The following PYROXD2 variants were observed in gnomAD, a reference collection of about 807,000 sequenced individuals.
PYROXD2 encodes pyridine nucleotide-disulfide oxidoreductase domain-containing protein 2.
Under a neutral mutation model 71.1 loss-of-function variants are expected in PYROXD2, and 69 were observed. That is an observed-to-expected ratio of 0.97 (90% confidence interval 0.80 to 1.19). The LOEUF (loss-of-function observed/expected upper bound fraction) is 1.19, where lower values mean the gene tolerates loss of function less well. Ranked by LOEUF, PYROXD2 falls within the 50% of genes most tolerant of loss-of-function variation. The pLI is 0.00. For missense variants in PYROXD2, 745 were observed against 748.9 expected (o/e 0.99, Z 0.06); for synonymous variants, 287 against 302.7 (o/e 0.95, Z 0.54).
rs185130549 is a variant in PYROXD2 at position 98,386,338 on chromosome 10, G to A, written c.1554+863C>T. On this transcript the variant is annotated intron_variant, in intron 14 of 15. Coordinates refer to ENST00000370575, the MANE Select transcript of PYROXD2 (RefSeq NM_032709.3). ...ACAAGGAAGGGAGGGAGGAAGGAAG[G>A]AAGGAAGGAAGGAAGGAAGGAAGGA... is the stretch of plus-strand genomic sequence containing the variant. Among the ~76,000 whole-genome samples, 635 of 150,976 alleles carry A rather than the reference G, an allele frequency of 4.2e-3. 4 individuals carry two copies. Among genetic ancestry groups the A allele is most frequent in the Non-Finnish European group, 6.7e-3 (452 of 67,686 alleles).
chr10:98,392,614 C>A, intron 9 of PYROXD2, 48 bp from the exon 10 acceptor site: 1 of 1,600,702 alleles, frequency 6.2e-7, no homozygotes, highest in South Asian at 1.1e-5. Flanking sequence ...AAGGGAAATC[C>A]ATGTTAGATC....
chr10:98,411,111 C>T, intron 1 of PYROXD2, 153 bp from the exon 2 acceptor site: 1 of 1,053,048 alleles, frequency 9.5e-7, no homozygotes, highest in Non-Finnish European at 1.4e-6. Flanking sequence ...GATGTTGGAA[C>T]AGCATCTAGT....
chr10:98,397,452 A>G lies in PYROXD2; in HGVS notation c.518T>C (p.Ile173Thr). 1 of 1,613,242 alleles carries G rather than the reference A, an allele frequency of 6.2e-7. No individual in the cohort carries two copies. The highest frequency in any genetic ancestry group is 8.5e-7 in the Non-Finnish European group (1 of 1,179,458). Residue 173 changes from isoleucine (I) to threonine (T), a missense_variant, in exon 6 of 16, where the codon ATT (isoleucine) becomes ACT (threonine). Physicochemically the swap from Ile to Thr is moderately conservative, Grantham distance 89. Coordinates refer to ENST00000370575, the MANE Select transcript of PYROXD2 (RefSeq NM_032709.3). ...GGGGGCCGCATCCAGCAGAGGGTCA[A>G]TGGCTAATGCCAAGCGATGCATGAA... ...EEFMHRLALA[I>T]DPLLDAAPVD...
At chr10:98,410,902 G>A (rs1214195880) in intron 2 of PYROXD2, 37 bp downstream of exon 2, 1 of 1,558,810 alleles carries the variant, frequency 6.4e-7, no homozygotes, top group South Asian at 1.2e-5. Flanking sequence ...CACACGCCCA[G>A]GGCCAGTGAA....
intron 12 of PYROXD2, among the ~76,000 whole-genome samples, chr10:98,388,853 G>A (rs915005349): frequency 1.8e-4 from 27 of 152,036 alleles, no homozygotes; most frequent in Admixed American, 9.2e-4. Flanking sequence ...GACAGCAGGC[G>A]CCCAAGCAGC....
At chr10:98,405,924 A>G (rs1010280006) in intron 4 of PYROXD2, among the ~76,000 whole-genome samples, 2 of 152,242 alleles carry the variant, frequency 1.3e-5, no homozygotes, top group Non-Finnish European at 2.9e-5. Context: ...ACTTACAGGT[A>G]AGGATCAATT....
rs937674696 is a variant in PYROXD2, at chr10:98,388,436, G to A, written c.1365C>T (p.Ser455=). 6.2e-7 allele frequency: 1 copy of A among 1,613,444 alleles called. No homozygotes were observed. The highest frequency in any genetic ancestry group is 8.5e-7 in the Non-Finnish European group (1 of 1,179,892). ...TATAGGGCATGTACTGAGTGAAGAG[G>A]GAGACTACATGGCAGCCAGGGGGAG... ...TLAPPGCHVV[S]LFTQYMPYTL... The change falls in exon 13 of 16, where the codon TCC becomes TCT. Residue 455 remains serine, a synonymous_variant. Transcript: ENST00000370575.
chr10:98,414,043 TATGTACGTAACACATATACATATATATAC>T (rs1471526151), intron 1 of PYROXD2: 1 of 151,990 alleles, frequency 6.6e-6, no homozygotes, highest in East Asian at 1.9e-4. Context: ...TGTGTATATA[TATGTACGTAACACATATACATATATATAC>T]ACATATATGT....
intron 9 of PYROXD2, 132 bp downstream of exon 9, chr10:98,392,810 C>A: frequency 8.4e-7 from 1 of 1,185,580 alleles, no homozygotes. Context: ...TGACCTTAAT[C>A]TCTTGATTCT....
At chr10:98,386,219 T>C (rs566791722) in intron 14 of PYROXD2, among the ~76,000 whole-genome samples, 1 of 149,932 alleles carries the variant, frequency 6.7e-6, no homozygotes, top group East Asian at 2.0e-4. Flanking sequence ...AGGTCGAGGC[T>C]GCAGTGAGCC....
chr10:98,387,637 T>C (rs1353883060), intron 13 of PYROXD2, among the ~76,000 whole-genome samples: 1 of 146,610 alleles, frequency 6.8e-6, no homozygotes, highest in African/African-American at 2.5e-5. Flanking sequence ...TTTTTTTTTT[T>C]TTTTTTTTTT....
In PYROXD2 at chr10:98,397,417, C is replaced by A; in HGVS notation, c.553G>T (p.Ala185Ser). The change falls in exon 6 of 16, where the codon GCG becomes TCG. Residue 185 changes from alanine to serine, a missense_variant. Ala to Ser is a moderately conservative substitution (Grantham distance 99). Transcript: ENST00000370575. ...PLLDAAPVDMAAFQHGSLLQR... is the reference protein window; with the variant it reads ...PLLDAAPVDMSAFQHGSLLQR... The stretch of plus-strand genomic sequence containing the variant: ...AGCAAGGAGCCATGCTGGAAGGCCG[C>A]CATGTCCACGGGGGCCGCATCCAGC... The A allele has an allele frequency of 1.2e-6, 2 of 1,613,500 alleles. No individual in the cohort carries two copies. The highest frequency in any genetic ancestry group is 2.2e-5 in the South Asian group (2 of 90,970).
At chr10:98,395,140 A>G in intron 8 of PYROXD2, 56 bp downstream of exon 8, 1 of 1,459,776 alleles carries the variant, frequency 6.9e-7, no homozygotes, top group East Asian at 2.3e-5. Context: ...TGTTGTCCTC[A>G]CTCCTGTTGG....
chr10:98,397,408 G>A lies in PYROXD2; in HGVS notation c.562C>T (p.Gln188Ter). Residue 188 changes from glutamine to a stop codon, truncating the protein, a stop_gained, in exon 6 of 16, where the codon CAG becomes TAG. Transcript: ENST00000370575. LOFTEE classifies it high-confidence loss of function. ...ATCCTTTGCAGCAAGGAGCCATGCT[G>A]GAAGGCCGCCATGTCCACGGGGGCC... ...DAAPVDMAAF[Q>*]HGSLLQRMRS... 1 of 1,613,390 alleles carries A rather than the reference G, an allele frequency of 6.2e-7. No individual in the cohort carries two copies. The highest frequency in any genetic ancestry group is 1.3e-5 in the African/African-American group (1 of 75,054).
rs1590980153 is a variant in PYROXD2, at chr10:98,410,763, G to A, written c.147+176C>T. ...CCTGTGATGTCCACAGCTGGCTGCA[G>A]ATGAGCATTCGACCCAGCCCCCAGT... On this transcript the variant is annotated intron_variant, in intron 2 of 15. Transcript: ENST00000370575. The A allele has an allele frequency of 4.6e-6, 4 of 878,946 alleles. No individual in the cohort carries two copies. The South Asian group carries it at 7.2e-5, about 16-fold the overall frequency. The allele number at this position is 878,946 out of a possible 1,614,324, so 54.4% of individuals were successfully genotyped here.
chr10:98,384,166 G>T (rs1842676997), intron 15 of PYROXD2, among the ~76,000 whole-genome samples: 1 of 151,986 alleles, frequency 6.6e-6, no homozygotes, highest in South Asian at 2.1e-4. Context: ...CAGAATAAGG[G>T]GCTGGGGGGA....
chr10:98,386,605 G>A (rs899651520), intron 14 of PYROXD2, among the ~76,000 whole-genome samples: 8 of 150,800 alleles, frequency 5.3e-5, no homozygotes, highest in African/African-American at 2.0e-4. Context: ...AGGCTGAAGT[G>A]TAATGACGCA....
Position 98,401,273 on chromosome 10 carries a change from A to AAAAAAAAAAAC in PYROXD2, c.316-1017_316-1016insGTTTTTTTTTT, listed in dbSNP as rs149519972. On this transcript the variant is annotated intron_variant, in intron 4 of 15. Transcript: ENST00000370575. ...TGTCTCAAAAAAAAAAAAACAAAAA[A>AAAAAAAAAAAC]AAACAAACATAGAAAAGGTACATTA... Among the ~76,000 whole-genome samples the AAAAAAAAAAAC allele has an allele frequency of 3.1e-3, 376 of 121,606 alleles. 27 individuals carry two copies. Among genetic ancestry groups the AAAAAAAAAAAC allele is most frequent in the African/African-American group, 0.012 (338 of 27,344 alleles). The allele number at this position is 121,606 out of a possible 152,430, so 79.8% of individuals were successfully genotyped here. A position where few individuals can be genotyped will look rare whatever the true frequency, so the allele number is the denominator to read the frequency against.
At chr10:98,414,854 T>G in intron 1 of PYROXD2, 155 bp downstream of exon 1, 3 of 1,178,844 alleles carry the variant, frequency 2.5e-6, no homozygotes, top group Non-Finnish European at 3.5e-6. Flanking sequence ...GGAAGGGCTT[T>G]CCATTGCAGC....
Sources: gnomAD v4.1 joint callset for allele counts (sites outside exome capture counted in the v4.1 genomes callset) on GRCh38, gnomAD v4.1.1 for gene constraint, MANE v1.5 for transcripts, NCBI Gene and HGNC (gene_info 2026-07-23, HGNC 2026-07-21) for gene names.